The following ZFYVE26 variants were observed in gnomAD, a reference collection of about 807,000 sequenced individuals.
ZFYVE26 encodes the protein zinc finger FYVE-type containing 26.
ZFYVE26 carries 181 observed loss-of-function variants against 276.5 expected under a neutral mutation model. That is an observed-to-expected ratio of 0.65 (90% CI 0.58 to 0.74). ZFYVE26 has a LOEUF of 0.74. Among genes scored for constraint, ZFYVE26 ranks in the 30% least tolerant of loss-of-function variants. ZFYVE26 has a pLI of 0.00. For missense variants in ZFYVE26, 2,821 were observed against 3,097.9 expected, an observed-to-expected ratio of 0.91 and a Z score of 2.12; for synonymous variants, 1,129 against 1,203.1, an observed-to-expected ratio of 0.94 and a Z score of 1.27.
chr14:67,799,124 T>C (rs1309244592), intron 10 of ZFYVE26: 1 of 1,394,744 alleles, frequency 7.2e-7, no homozygotes, highest in Non-Finnish European at 1.0e-6. Flanking sequence ...CTAGGAGGCG[T>C]ACTGGCGGCT....
At chr14:67,766,118 A>T in intron 32 of ZFYVE26, 109 bp downstream of exon 32, 1 of 1,071,344 alleles carries the variant, frequency 9.3e-7, no homozygotes, top group Non-Finnish European at 1.4e-6. Flanking sequence ...ATCTTTCAGC[A>T]TGTCTTGTCA....
At chr14:67,800,930 T>TA (rs1566894467) in intron 10 of ZFYVE26, among the ~76,000 whole-genome samples, 53 of 148,380 alleles carry the variant, frequency 3.6e-4, no homozygotes, top group Non-Finnish European at 7.0e-4. Context: ...ACCGTATAAA[T>TA]AAATAAATAA....
At chr14:67,729,228 CGTCCGCTCTGAGCT>C (rs775745908) in exon 14 of ZFYVE26, 1 of 1,611,716 alleles carries the variant, frequency 6.2e-7, no homozygotes, top group Non-Finnish European at 8.5e-7. Flanking sequence ...ACCCAGGCGT[CGTCCGCTCTGAGCT>C]GGTCCGGCAC....
At chr14:67,772,316 A>T in intron 27 of ZFYVE26, 106 bp from the exon 28 acceptor site, 1 of 1,281,632 alleles carries the variant, frequency 7.8e-7, no homozygotes, top group Non-Finnish European at 1.1e-6. Flanking sequence ...TTATTGAAAG[A>T]ATAGATCCAG....
Position 67,786,191 on chromosome 14 carries a change from C to T in ZFYVE26, c.3062G>A (p.Arg1021Gln), listed in dbSNP as rs777945768. Residue 1021 changes from arginine (R) to glutamine (Q), a missense_variant, in exon 17 of 42, where the codon CGA becomes CAA. Transcript: ENST00000347230. Reference sequence around the variant, plus strand: ...TTGCTGAAGAACAACTGGAAAACCTCGAATGCCATCAGCATTTAGGAGTAC... The same window carrying T: ...TTGCTGAAGAACAACTGGAAAACCTTGAATGCCATCAGCATTTAGGAGTAC... The part of the protein sequence containing the change: ...DHVLLNADGI[R>Q]GFPVVLQQIS... The T allele has an allele frequency of 4.1e-5, 66 of 1,603,088 alleles. No individual in the cohort carries two copies. The South Asian group carries it at 6.7e-4, about 16-fold the overall frequency.
At chr14:67,729,475 T>A in exon 14 of ZFYVE26, 1 of 1,256,012 alleles carries the variant, frequency 8.0e-7, no homozygotes, top group African/African-American at 1.5e-5. Context: ...AGTTTGTGCC[T>A]GATGATGCAA....
In ZFYVE26 at chr14:67,793,763, T is replaced by C. The variant is rs748220376; in HGVS notation, c.2402-4A>G. On this transcript the variant is annotated splice_polypyrimidine_tract_variant and splice_region_variant and intron_variant, in intron 13 of 41. Transcript: ENST00000347230. ...GACATGGCACTCAGACTTCCCTCTG[T>C]TGGGACACAAGAATGTGTGGGGCCA... 5.0e-6 allele frequency: 8 copies of C among 1,613,684 alleles called. No homozygotes were observed. Among genetic ancestry groups the C allele is most frequent in the African/African-American group, 2.7e-5 (2 of 74,848 alleles).
Position 67,746,850 on chromosome 14 carries a change from G to A in ZFYVE26, c.*1586C>T, listed in dbSNP as rs2038498137. ...AGAGAAGGACATTTCCTGGGAGATGGATACGTTCTATGACTCAAGGAAGGA... is the reference window on the plus strand; with the variant it reads ...AGAGAAGGACATTTCCTGGGAGATGAATACGTTCTATGACTCAAGGAAGGA... On this transcript the variant is annotated 3_prime_UTR_variant, in exon 42 of 42. Coordinates refer to ENST00000347230, the MANE Select transcript of ZFYVE26 (RefSeq NM_015346.4). 6.6e-6 allele frequency: 1 copy of A among 152,618 alleles called. No individual in the cohort carries two copies. Among genetic ancestry groups the A allele is most frequent in the African/African-American group, 2.4e-5 (1 of 41,428 alleles). The allele number at this position is 152,618 out of a possible 1,614,324, so 9.5% of individuals were successfully genotyped here.
intron 31 of ZFYVE26, 27 bp downstream of exon 31, chr14:67,767,677 G>A (rs1488375861): frequency 6.2e-7 from 1 of 1,614,068 alleles, no homozygotes; most frequent in Non-Finnish European, 8.5e-7. Context: ...AGAAACTTAA[G>A]TGACCATTGC....
At chr14:67,739,240 C>T (rs2038386800) in intron 13 of ZFYVE26, among the ~76,000 whole-genome samples, 1 of 152,140 alleles carries the variant, frequency 6.6e-6, no homozygotes, top group Non-Finnish European at 1.5e-5. Context: ...CTGAATCTGC[C>T]ACAATCATCT....
intron 13 of ZFYVE26, 140 bp from the exon 14 acceptor site, chr14:67,793,899 C>T: frequency 2.4e-6 from 3 of 1,236,220 alleles, no homozygotes; most frequent in Non-Finnish European, 3.5e-6. Context: ...AATTTTTCCT[C>T]AAATGAAGGG....
At chr14:67,749,360 C>T (rs182433793) in intron 41 of ZFYVE26, among the ~76,000 whole-genome samples, 11 of 152,300 alleles carry the variant, frequency 7.2e-5, no homozygotes, top group Non-Finnish European at 1.5e-4. Context: ...CCTGCTTGGA[C>T]CAAAGGCAGC....
At chr14:67,763,350 G>A (rs978841886) in intron 32 of ZFYVE26, among the ~76,000 whole-genome samples, 4 of 152,206 alleles carry the variant, frequency 2.6e-5, no homozygotes, top group African/African-American at 9.7e-5. Context: ...TTACTCATCT[G>A]TAAAATGGAT....
chr14:67,781,493 T>C lies in ZFYVE26; in HGVS notation c.4409A>G (p.Asp1470Gly), dbSNP rs2039498653. ...EGWQYLFPVK[D>G]ASLRSRLALQ... Reference sequence around the variant, plus strand: ...GGCCAGCCGACTTCTCAGAGATGCATCCTTCACGGGAAACAGGTATTGCCA... The same window carrying C: ...GGCCAGCCGACTTCTCAGAGATGCACCCTTCACGGGAAACAGGTATTGCCA... The change falls in exon 22 of 42, where the codon GAT (aspartate) becomes GGT (glycine). Residue 1470 changes from aspartate (D) to glycine (G), a missense_variant. Coordinates refer to ENST00000347230, the MANE Select transcript of ZFYVE26 (RefSeq NM_015346.4). 4.3e-6 allele frequency: 7 copies of C among 1,614,152 alleles called. No homozygotes were observed. The East Asian group carries it at 1.6e-4, about 36-fold the overall frequency.
Position 67,769,724 on chromosome 14 carries a change from T to C in ZFYVE26, c.5491A>G (p.Arg1831Gly). ...CCACAGCGGCGACAATGATGACGCC[T>C]GTTAAACTGAGGAATGCCATCAGGA... ...CCREHFTMFN[R>G]RHHCRRCGRL... Residue 1831 changes from arginine (R) to glycine (G), a missense_variant, in exon 29 of 42, where the codon AGG (arginine) becomes GGG (glycine). Arg to Gly is a moderately radical substitution (Grantham distance 125). Transcript: ENST00000347230. The C allele has an allele frequency of 1.9e-6, 3 of 1,614,068 alleles. No individual in the cohort carries two copies. The highest frequency in any genetic ancestry group is 1.3e-5 in the African/African-American group (1 of 75,032).
intron 13 of ZFYVE26, among the ~76,000 whole-genome samples, chr14:67,732,166 G>A (rs1412500792): frequency 6.6e-6 from 1 of 151,312 alleles, no homozygotes; most frequent in East Asian, 1.9e-4. Context: ...GCTGGGTGTG[G>A]CGGCTCATGC....
chr14:67,756,212 C>T (rs2038776573), intron 35 of ZFYVE26, 67 bp from the exon 36 acceptor site: 2 of 1,530,954 alleles, frequency 1.3e-6, no homozygotes, highest in Admixed American at 3.3e-5. Context: ...GGGATCCACT[C>T]TGAATTTCCT....
At chr14:67,804,309 A>T (rs759164819) in intron 8 of ZFYVE26, 45 bp from the exon 9 acceptor site, 1 of 1,605,532 alleles carries the variant, frequency 6.2e-7, no homozygotes, top group Admixed American at 1.7e-5. Context: ...AGTTTATATT[A>T]TTGCTCGAAG....
In ZFYVE26 at chr14:67,762,682, A is replaced by G; in HGVS notation, c.6149T>C (p.Leu2050Pro). 1.2e-6 allele frequency: 2 copies of G among 1,613,868 alleles called. No homozygotes were observed. The highest frequency in any genetic ancestry group is 1.3e-5 in the African/African-American group (1 of 75,064). Residue 2050 changes from leucine (L) to proline (P), a missense_variant, in exon 33 of 42, where the codon CTG (leucine) becomes CCG (proline). Transcript: ENST00000347230. ...NQLLEAEYYQLGVEVSTKTGL... is the reference protein window; with the variant it reads ...NQLLEAEYYQPGVEVSTKTGL... ...TTGTCTTTGTCTCACCTCAACGCCC[A>G]GTTGGTAGTACTCGGCTTCCAAAAG...
Sources: gnomAD v4.1 joint callset for allele counts (sites outside exome capture counted in the v4.1 genomes callset) on GRCh38, gnomAD v4.1.1 for gene constraint, MANE v1.5 for transcripts, NCBI Gene and HGNC (gene_info 2026-07-23, HGNC 2026-07-21) for gene names.